ACSL4: variants seen among roughly 807,000 people sequenced by gnomAD.
The protein encoded by ACSL4 is long-chain-fatty-acid--CoA ligase 4.
In ACSL4, 9 loss-of-function variants were observed where a neutral mutation model predicts 49.1. The ratio of observed to expected loss-of-function variants is 0.18; its 90% CI spans 0.11 to 0.32. The LOEUF (loss-of-function observed/expected upper bound fraction) is 0.32, where lower values mean the gene tolerates loss of function less well. Ranked by LOEUF, ACSL4 falls within the 10% of genes least tolerant of loss-of-function variation. ACSL4 has a pLI of 1.00. For missense variants in ACSL4, 333 were observed against 493.7 expected, an observed-to-expected ratio of 0.67 and a Z score of 3.08; for synonymous variants, 191 against 170.3, an observed-to-expected ratio of 1.12 and a Z score of -0.95.
intron 15 of ACSL4, among the ~76,000 whole-genome samples, chrX:109,649,956 G>A (rs1264513648): frequency 2.3e-4 from 25 of 108,701 alleles, no homozygotes; most frequent in Non-Finnish European, 1.5e-4. Flanking sequence ...TCAGAGAAAT[G>A]CAAATCAAAA....
chrX:109,657,224 T>A (rs1921742497), intron 15 of ACSL4, among the ~76,000 whole-genome samples: 1 of 111,834 alleles, frequency 8.9e-6, no homozygotes, highest in African/African-American at 3.3e-5. Context: ...TTTATTTTTA[T>A]TTTTTTATAC....
chrX:109,678,360 A>G lies in ACSL4; in HGVS notation c.711T>C (p.Thr237=). The change falls in exon 7 of 16, where the codon ACT becomes ACC. Residue 237 remains threonine, a synonymous_variant. Transcript: ENST00000672401. Reference sequence around the variant, plus strand: ...CCTTAGGTCGGCCAGTAGAACCACTAGTATACATAACAATGGCCATGTCTG... The same window carrying G: ...CCTTAGGTCGGCCAGTAGAACCACTGGTATACATAACAATGGCCATGTCTG... ...TPSDMAIVMY[T]SGSTGRPKGV... The G allele has an allele frequency of 1.7e-6, 2 of 1,211,736 alleles. No homozygotes were observed. Among genetic ancestry groups the G allele is most frequent in the East Asian group, 3.0e-5 (1 of 33,862 alleles).
At chrX:109,658,806 ATTG>A (rs935538400) in intron 15 of ACSL4, among the ~76,000 whole-genome samples, 8 of 111,629 alleles carry the variant, frequency 7.2e-5, no homozygotes, top group African/African-American at 2.6e-4. Context: ...TGCTGTTAAG[ATTG>A]TTGTCTCTCT....
At chrX:109,719,942 G>A (rs893642255) in intron 1 of ACSL4, among the ~76,000 whole-genome samples, 30 of 111,023 alleles carry the variant, frequency 2.7e-4, no homozygotes, top group Non-Finnish European at 2.1e-4. Context: ...GAGATGAGCT[G>A]AGATCGTGCC....
intron 2 of ACSL4, among the ~76,000 whole-genome samples, chrX:109,685,972 A>G (rs925023073): frequency 2.7e-5 from 3 of 111,539 alleles, no homozygotes; most frequent in African/African-American, 9.8e-5. Flanking sequence ...GGGCCTTTCC[A>G]GCTTTAAATT....
At chrX:109,730,107 A>C (rs1011381085) in intron 1 of ACSL4, among the ~76,000 whole-genome samples, 1 of 112,223 alleles carries the variant, frequency 8.9e-6, no homozygotes, top group African/African-American at 3.2e-5. Flanking sequence ...GACTGCATTA[A>C]AGGTGACGAA....
intron 1 of ACSL4, among the ~76,000 whole-genome samples, chrX:109,707,948 A>AT (rs1221340283): frequency 8.4e-4 from 89 of 106,220 alleles, no homozygotes; most frequent in African/African-American, 2.0e-3. Flanking sequence ...ATTACAGGTG[A>AT]TTTTTTTTTT....
chrX:109,674,255 A>T (rs1603403911), intron 9 of ACSL4, 147 bp downstream of exon 9: 1 of 541,759 alleles, frequency 1.8e-6, no homozygotes, highest in East Asian at 3.7e-5. Flanking sequence ...CTAAGATTTT[A>T]ATGAACACAT....
intron 2 of ACSL4, among the ~76,000 whole-genome samples, chrX:109,686,892 G>A (rs1924656622): frequency 9.0e-6 from 1 of 111,224 alleles, no homozygotes; most frequent in Admixed American, 9.6e-5. Flanking sequence ...TCTGCAGGTA[G>A]TGAGGGGGTC....
At chrX:109,671,275 C>T (rs953633325) in intron 9 of ACSL4, among the ~76,000 whole-genome samples, 4 of 110,177 alleles carry the variant, frequency 3.6e-5, no homozygotes, top group African/African-American at 9.9e-5. Flanking sequence ...TGCCCAGCCG[C>T]GACCCCGTCT....
At chrX:109,659,658 T>C in intron 14 of ACSL4, 147 bp from the exon 15 acceptor site, 1 of 446,973 alleles carries the variant, frequency 2.2e-6, no homozygotes, top group South Asian at 3.7e-5. Flanking sequence ...AAACCCATAG[T>C]ACCAGCATAA....
At chrX:109,722,847 TAAAC>T (rs1927668031) in intron 1 of ACSL4, among the ~76,000 whole-genome samples, 1 of 111,478 alleles carries the variant, frequency 9.0e-6, no homozygotes, top group Non-Finnish European at 1.9e-5. Context: ...AGTGTCGAGT[TAAAC>T]AAGCAAGTTA....
intron 1 of ACSL4, among the ~76,000 whole-genome samples, chrX:109,723,402 T>C (rs1927714389): frequency 8.9e-6 from 1 of 111,739 alleles, no homozygotes; most frequent in Non-Finnish European, 1.9e-5. Context: ...ATCAATCAGA[T>C]TGTTTTGTAT....
chrX:109,719,285 A>G (rs1178317479), intron 1 of ACSL4, among the ~76,000 whole-genome samples: 4 of 111,459 alleles, frequency 3.6e-5, no homozygotes, highest in Non-Finnish European at 5.7e-5. Flanking sequence ...CACAGAGATA[A>G]GACAGGGGTT....
At chrX:109,704,691 T>G (rs1253762803) in intron 1 of ACSL4, among the ~76,000 whole-genome samples, 1 of 111,148 alleles carries the variant, frequency 9.0e-6, no homozygotes, top group African/African-American at 3.3e-5. Context: ...ATTACACCAT[T>G]TATAAAAGGA....
chrX:109,665,616 G>T, intron 11 of ACSL4, 122 bp from the exon 12 acceptor site: 1 of 587,702 alleles, frequency 1.7e-6, no homozygotes, highest in Non-Finnish European at 2.9e-6. Flanking sequence ...TGCAAAGTGT[G>T]ATCATTTTTC....
rs1213315114 is a variant in ACSL4 at position 109,642,754 on chromosome X, C to A, written c.*1275G>T. The A allele has an allele frequency of 1.8e-5, 2 of 111,211 alleles. No homozygotes were observed. Among genetic ancestry groups the A allele is most frequent in the East Asian group, 5.6e-4 (2 of 3,576 alleles). 9.2% of individuals were successfully genotyped at this position (111,211 alleles called of 1,213,427 possible). On this transcript the variant is annotated 3_prime_UTR_variant, in exon 16 of 16. Transcript: ENST00000672401. ...AAAGATTCAAAAAGAAACCACACTCCCAAGTTACTGCACAAACATCAGTCC... is the reference window on the plus strand; with the variant it reads ...AAAGATTCAAAAAGAAACCACACTCACAAGTTACTGCACAAACATCAGTCC...
In ACSL4 at chrX:109,682,844, A is replaced by C; in HGVS notation, c.281T>G (p.Val94Gly). Residue 94 changes from valine to glycine, a missense_variant, in exon 4 of 16, where the codon GTG becomes GGG. Physicochemically the swap from Val to Gly is moderately radical, Grantham distance 109. Coordinates refer to ENST00000672401, the MANE Select transcript of ACSL4 (RefSeq NM_001318510.2). Reference protein sequence around the residue: ...WMNYLEVNRRVNNFGSGLTAL... With the variant: ...WMNYLEVNRRGNNFGSGLTAL... ...AGTGAGTCCACTACCAAAGTTATTC[A>C]CTCTGCGATTCACTTCAAGATAGTT... 8.3e-7 allele frequency: 1 copy of C among 1,210,949 alleles called. No homozygotes were observed. Among genetic ancestry groups the C allele is most frequent in the East Asian group, 3.0e-5 (1 of 33,840 alleles).
At chrX:109,719,283 T>C (rs1483182710) in intron 1 of ACSL4, among the ~76,000 whole-genome samples, 1 of 111,042 alleles carries the variant, frequency 9.0e-6, no homozygotes, top group African/African-American at 3.3e-5. Flanking sequence ...ACCACAGAGA[T>C]AAGACAGGGG....
Sources: allele counts gnomAD v4.1 joint callset (sites outside exome capture counted in the v4.1 genomes callset), GRCh38; gene constraint gnomAD v4.1.1; transcripts MANE v1.5; gene names NCBI Gene and HGNC (gene_info 2026-07-23, HGNC 2026-07-21).